Variants in GCLC observed in about 807,000 individuals in gnomAD.
GCLC encodes glutamate--cysteine ligase catalytic subunit.
Under a neutral mutation model 81.5 loss-of-function variants are expected in GCLC, and 30 were observed. The ratio of observed to expected loss-of-function variants is 0.37; its 90% CI spans 0.28 to 0.50. GCLC has a LOEUF of 0.50. Among genes scored for constraint, GCLC ranks in the 20% least tolerant of loss-of-function variants. The pLI, the probability that GCLC is intolerant of heterozygous loss-of-function variation, is 0.96. For synonymous variants in GCLC, 262 were observed against 273.3 expected, an observed-to-expected ratio of 0.96 and a Z score of 0.41; for missense variants, 556 against 777.4, an observed-to-expected ratio of 0.72 and a Z score of 3.39.
chr6:53,523,111 C>T (rs1763026189), intron 1 of GCLC: 1 of 154,382 alleles, frequency 6.5e-6, no homozygotes, highest in South Asian at 2.0e-4. Context: ...TAATTTAAGG[C>T]AACTTCTCCA....
At chr6:53,512,056 CT>C (rs1764763427) in intron 6 of GCLC, among the ~76,000 whole-genome samples, 1 of 150,300 alleles carries the variant, frequency 6.7e-6, no homozygotes, top group Non-Finnish European at 1.5e-5. Flanking sequence ...TCAAGCGTTT[CT>C]CATGCCTCAG....
At chr6:53,526,123 A>C (rs1763076981) in intron 1 of GCLC, among the ~76,000 whole-genome samples, 1 of 152,212 alleles carries the variant, frequency 6.6e-6, no homozygotes, top group African/African-American at 2.4e-5. Context: ...CTGTTGAACC[A>C]AGGACAAAGA....
intron 8 of GCLC, 71 bp downstream of exon 8, chr6:53,508,524 T>A: frequency 1.1e-6 from 1 of 912,160 alleles, no homozygotes; most frequent in Non-Finnish European, 1.9e-6. Flanking sequence ...ATCCTGAAAT[T>A]GCAAGTAGTT....
In GCLC at chr6:53,544,637, C is replaced by T. The variant is rs781531365; in HGVS notation, c.9G>A (p.Leu3=). Residue 3 remains leucine (L), a synonymous_variant, in exon 1 of 16, where the codon CTG becomes CTA. Transcript: ENST00000650454. The part of the protein sequence containing the change: MG[L]LSQGSPLSWE... Reference sequence around the variant, plus strand: ...AGCTCAGCGGCGAGCCCTGGGACAGCAGCCCCATGGCCGCCCCCTCCTCCT... The same window carrying T: ...AGCTCAGCGGCGAGCCCTGGGACAGTAGCCCCATGGCCGCCCCCTCCTCCT... 6.3e-7 allele frequency: 1 copy of T among 1,595,174 alleles called. No homozygotes were observed. The highest frequency in any genetic ancestry group is 8.5e-7 in the Non-Finnish European group (1 of 1,178,132).
At chr6:53,507,084 G>A in intron 9 of GCLC, 59 bp from the exon 10 acceptor site, 2 of 935,138 alleles carry the variant, frequency 2.1e-6, no homozygotes, top group Non-Finnish European at 1.8e-6. Flanking sequence ...CTTCCTCTTA[G>A]TCCAGAAAGA....
In GCLC at chr6:53,498,335, T is replaced by G; in HGVS notation, c.*421A>C. ...ACAAAGGAAAATTAACGAGAGAAAA[T>G]GTTTTTAAAGAGAAAAATTTCAATA... On this transcript the variant is annotated 3_prime_UTR_variant, in exon 16 of 16. Coordinates refer to ENST00000650454, the MANE Select transcript of GCLC (RefSeq NM_001498.4). The G allele has an allele frequency of 5.8e-6, 1 of 173,892 alleles. No individual in the cohort carries two copies. Among genetic ancestry groups the G allele is most frequent in the East Asian group, 1.6e-4 (1 of 6,114 alleles). 10.8% of individuals were successfully genotyped at this position (173,892 alleles called of 1,614,324 possible).
intron 1 of GCLC, among the ~76,000 whole-genome samples, chr6:53,532,498 A>G (rs9463944): frequency 0.018 from 2,806 of 152,222 alleles, 76 homozygotes; most frequent in African/African-American, 0.064. Flanking sequence ...AACTTAACAC[A>G]CTGGCAGGCC....
intron 1 of GCLC, among the ~76,000 whole-genome samples, chr6:53,528,744 C>T (rs1763124856): frequency 6.6e-6 from 1 of 152,080 alleles, no homozygotes; most frequent in African/African-American, 2.4e-5. Flanking sequence ...GAGCAGGCTG[C>T]TTTTTATTTA....
intron 3 of GCLC, among the ~76,000 whole-genome samples, chr6:53,517,202 T>G (rs1367111342): frequency 1.4e-5 from 2 of 142,428 alleles, no homozygotes; most frequent in Non-Finnish European, 3.0e-5. Flanking sequence ...TCCTCCTGCC[T>G]CAGGCTCCTG....
intron 3 of GCLC, 138 bp from the exon 4 acceptor site, chr6:53,516,360 G>C (rs1764871712): frequency 5.9e-6 from 4 of 681,120 alleles, no homozygotes; most frequent in Non-Finnish European, 1.1e-5. Context: ...TTACAAAACA[G>C]ATGTTGTGTA....
intron 2 of GCLC, 137 bp downstream of exon 2, chr6:53,522,278 T>G: frequency 1.5e-6 from 1 of 674,058 alleles, no homozygotes; most frequent in Non-Finnish European, 2.7e-6. Context: ...AACCATGATT[T>G]GAAACTATGG....
At chr6:53,503,353 A>G (rs1229733198) in intron 12 of GCLC, 1 of 152,232 alleles carries the variant, frequency 6.6e-6, no homozygotes, top group Non-Finnish European at 1.5e-5. Context: ...CCTGTTGTTT[A>G]TAAGCCACCC....
chr6:53,534,159 GACTAA>G (rs1763219328), intron 1 of GCLC, among the ~76,000 whole-genome samples: 1 of 152,176 alleles, frequency 6.6e-6, no homozygotes, highest in Non-Finnish European at 1.5e-5. Flanking sequence ...CTGATCTTCA[GACTAA>G]AGCTCATTAA....
chr6:53,521,134 G>C (rs1413517705), intron 2 of GCLC, among the ~76,000 whole-genome samples, 174 bp from the exon 3 acceptor site: 1 of 152,092 alleles, frequency 6.6e-6, no homozygotes, highest in Non-Finnish European at 1.5e-5. Context: ...ACTACATAAG[G>C]GTCAACAAGT....
At chr6:53,516,704 C>T (rs534650058) in intron 3 of GCLC, among the ~76,000 whole-genome samples, 1 of 152,266 alleles carries the variant, frequency 6.6e-6, no homozygotes, top group South Asian at 2.1e-4. Flanking sequence ...CTGGAAGGAG[C>T]CTGTTTTTTG....
Position 53,538,136 on chromosome 6 carries a change from CTTTTTTTTTTTT to C in GCLC, c.150+6348_150+6359del, listed in dbSNP as rs10588842. On this transcript the variant is annotated intron_variant, in intron 1 of 15. Transcript: ENST00000650454. Reference sequence around the variant, plus strand: ...AGCTAGGCATTTTCTTTTTTCTTTCCTTTTTTTTTTTTTTTTTTTTTTTTTTTAAAGAGATGG... The same window carrying C: ...AGCTAGGCATTTTCTTTTTTCTTTCCTTTTTTTTTTTTTTTAAAGAGATGG... Among the ~76,000 whole-genome samples, 172 of 78,916 alleles carry C rather than the reference CTTTTTTTTTTTT, an allele frequency of 2.2e-3. 2 individuals are homozygous for C. Among genetic ancestry groups the C allele is most frequent in the Admixed American group, 0.021 (123 of 5,730 alleles). 51.8% of individuals were successfully genotyped at this position (78,916 alleles called of 152,430 possible).
At chr6:53,541,620 G>A (rs780581846) in intron 1 of GCLC, among the ~76,000 whole-genome samples, 2 of 152,090 alleles carry the variant, frequency 1.3e-5, no homozygotes, top group South Asian at 2.1e-4. Flanking sequence ...GTGGGGGGGC[G>A]GTGGGGGAAC....
chr6:53,544,825 T>G lies in GCLC; in HGVS notation c.-180A>C, dbSNP rs535139778. On this transcript the variant is annotated 5_prime_UTR_variant, in exon 1 of 16. Transcript: ENST00000650454. ...GCTCCGGCTCCCCGGCGGCGGCCCCTGGCGCCCAGGTGACAGACCCTGGGT... is the reference window on the plus strand; with the variant it reads ...GCTCCGGCTCCCCGGCGGCGGCCCCGGGCGCCCAGGTGACAGACCCTGGGT... 1.0e-3 allele frequency: 516 copies of G among 508,388 alleles called. 2 individuals are homozygous for G. The highest frequency in any genetic ancestry group is 9.5e-3 in the African/African-American group (463 of 48,746). The allele number at this position is 508,388 out of a possible 1,614,324, so 31.5% of individuals were successfully genotyped here.
At chr6:53,530,968 A>T (rs549774648) in intron 1 of GCLC, among the ~76,000 whole-genome samples, 1 of 152,028 alleles carries the variant, frequency 6.6e-6, no homozygotes, top group African/African-American at 2.4e-5. Flanking sequence ...TAGGTGGGGG[A>T]GCAGCTAAGA....
Sources: allele counts gnomAD v4.1 joint callset (sites outside exome capture counted in the v4.1 genomes callset), GRCh38; gene constraint gnomAD v4.1.1; transcripts MANE v1.5; gene names NCBI Gene and HGNC (gene_info 2026-07-23, HGNC 2026-07-21).